The following KIDINS220 variants were observed in gnomAD, a reference collection of about 807,000 sequenced individuals.
The protein encoded by KIDINS220 is kinase D interacting substrate 220, also known as kinase D-interacting substrate of 220 kDa.
Under a neutral mutation model 157.6 loss-of-function variants are expected in KIDINS220, and 63 were observed. That is an observed-to-expected ratio of 0.40 (90% CI 0.33 to 0.49). The LOEUF is 0.49. KIDINS220 is among the 20% of genes least tolerant of loss of function. KIDINS220 has a pLI of 0.66. For missense variants in KIDINS220, 1,772 were observed against 2,171.2 expected (o/e 0.82, Z 3.65); for synonymous variants, 732 against 783.6 (o/e 0.93, Z 1.10).
In KIDINS220 at chr2:8,736,907, G is replaced by A; in HGVS notation, c.3678C>T (p.Asp1226=). ...TACAATACTGAGGCAGCATACTCTG[G>A]TCCAGCCCTTCTATTTGTTTCAGCT... is the stretch of plus-strand genomic sequence containing the variant. ...CEKLKQIEGL[D]QSMLPQYCTT... The change falls in exon 27 of 30, where the codon GAC becomes GAT. Residue 1226 remains aspartate, a synonymous_variant. Transcript: ENST00000256707. The A allele has an allele frequency of 6.2e-7, 1 of 1,614,154 alleles. No individual in the cohort carries two copies. Among genetic ancestry groups the A allele is most frequent in the African/African-American group, 1.3e-5 (1 of 75,020 alleles).
At chr2:8,769,201 C>T (rs142437108) in intron 22 of KIDINS220, among the ~76,000 whole-genome samples, 3 of 152,246 alleles carry the variant, frequency 2.0e-5, no homozygotes, top group African/African-American at 4.8e-5. Context: ...AAGTACCTGA[C>T]GTGAAGGAAG....
intron 4 of KIDINS220, among the ~76,000 whole-genome samples, chr2:8,815,278 G>A (rs1283767500): frequency 6.6e-6 from 1 of 151,724 alleles, no homozygotes; most frequent in African/African-American, 2.4e-5. Flanking sequence ...GTGTGTGTCT[G>A]TAGTCCCAGC....
chr2:8,832,632 G>A (rs903688342), intron 1 of KIDINS220, among the ~76,000 whole-genome samples: 12 of 152,034 alleles, frequency 7.9e-5, no homozygotes, highest in African/African-American at 2.4e-4. Flanking sequence ...GCCTTCACGC[G>A]TCTTTGTGCT....
At chr2:8,779,954 T>A in intron 17 of KIDINS220, 140 bp from the exon 18 acceptor site, 2 of 812,418 alleles carry the variant, frequency 2.5e-6, no homozygotes, top group Non-Finnish European at 3.8e-6. Context: ...TGCTTCCACT[T>A]AAAATAAGAG....
intron 22 of KIDINS220, chr2:8,757,211 A>G (rs1201735991): frequency 1.0e-6 from 1 of 973,470 alleles, no homozygotes; most frequent in East Asian, 1.1e-4. Context: ...TTTCCCAACA[A>G]AAGTGCATAC....
intron 3 of KIDINS220, 51 bp downstream of exon 3, chr2:8,818,644 A>T (rs764667357): frequency 5.3e-6 from 6 of 1,133,090 alleles, no homozygotes; most frequent in Admixed American, 2.2e-5. Context: ...AAACAAAAAA[A>T]TAGCTAAGAA....
downstream of KIDINS220, chr2:8,721,731 C>T (rs1356592496): frequency 6.6e-6 from 1 of 152,208 alleles, no homozygotes; most frequent in Non-Finnish European, 1.5e-5. Flanking sequence ...CACCTGGAGC[C>T]ACACTGGCTG....
intron 25 of KIDINS220, 189 bp from the exon 26 acceptor site, chr2:8,747,390 A>C: frequency 1.7e-6 from 1 of 574,216 alleles, no homozygotes; most frequent in Non-Finnish European, 3.1e-6. Flanking sequence ...TATCATCAGG[A>C]ACCTCTAATA....
intron 24 of KIDINS220, among the ~76,000 whole-genome samples, chr2:8,748,707 T>A (rs1384204491): frequency 6.6e-6 from 1 of 152,154 alleles, no homozygotes; most frequent in Non-Finnish European, 1.5e-5. Flanking sequence ...CCCACCCTTT[T>A]TACTCCTGCC....
chr2:8,815,371 A>G (rs1309222829), intron 4 of KIDINS220, among the ~76,000 whole-genome samples: 1 of 149,548 alleles, frequency 6.7e-6, no homozygotes, highest in Non-Finnish European at 1.5e-5. Context: ...ATTGCACTCC[A>G]GCCTGGGTGA....
intron 11 of KIDINS220, among the ~76,000 whole-genome samples, chr2:8,795,420 C>T (rs565178134): frequency 1.3e-5 from 2 of 152,202 alleles, no homozygotes; most frequent in Admixed American, 6.5e-5. Context: ...GCATACTTTG[C>T]TGACAGGCTG....
chr2:8,794,398 C>A, intron 11 of KIDINS220: 1 of 156,022 alleles, frequency 6.4e-6, no homozygotes, highest in Non-Finnish European at 1.4e-5. Flanking sequence ...CAGCTTTCTT[C>A]ATTTGTCTAG....
Position 8,812,496 on chromosome 2 carries a change from G to T in KIDINS220, c.406-3C>A. 6.5e-7 allele frequency: 1 copy of T among 1,534,588 alleles called. No homozygotes were observed. Among genetic ancestry groups the T allele is most frequent in the Non-Finnish European group, 8.8e-7 (1 of 1,137,658 alleles). On this transcript the variant is annotated splice_region_variant and splice_polypyrimidine_tract_variant and intron_variant, in intron 5 of 29. Transcript: ENST00000256707. ...CAAATGATTGGGTAAACACTGTACT[G>T]CTAGGATAGATTGGTTGGTAGGTAG...
chr2:8,784,635 C>T (rs1672146862), intron 17 of KIDINS220, among the ~76,000 whole-genome samples: 1 of 152,140 alleles, frequency 6.6e-6, no homozygotes, highest in Non-Finnish European at 1.5e-5. Context: ...AGAAGACATA[C>T]AGATAGCAAA....
chr2:8,803,484 T>A (rs1300586426), intron 7 of KIDINS220, among the ~76,000 whole-genome samples: 1 of 152,116 alleles, frequency 6.6e-6, no homozygotes, highest in Admixed American at 6.5e-5. Context: ...AGAATGTGTT[T>A]ATATATAAAC....
In KIDINS220 at chr2:8,730,677, G is replaced by A; in HGVS notation, c.*43C>T. 3.2e-6 allele frequency: 5 copies of A among 1,572,786 alleles called. No homozygotes were observed. The highest frequency in any genetic ancestry group is 4.3e-6 in the Non-Finnish European group (5 of 1,163,858). On this transcript the variant is annotated 3_prime_UTR_variant, in exon 30 of 30. Coordinates refer to ENST00000256707, the MANE Select transcript of KIDINS220 (RefSeq NM_020738.4). ...TGGAGTCAAAATCCAGGACAATTCT[G>A]TCATAAAGGTACAGTAACACTCTTC...
chr2:8,781,141 T>TA lies in KIDINS220; in HGVS notation c.2230-1328_2230-1327insT, dbSNP rs1553321879. Among the ~76,000 whole-genome samples the TA allele has an allele frequency of 3.3e-3, 4 of 1,214 alleles. No homozygotes were observed. The East Asian group carries it at 0.19, about 57-fold the overall frequency. 0.8% of individuals were successfully genotyped at this position (1,214 alleles called of 152,430 possible). On this transcript the variant is annotated intron_variant, in intron 17 of 29. Coordinates refer to ENST00000256707, the MANE Select transcript of KIDINS220 (RefSeq NM_020738.4). ...AGAGGGGGAGTAACTATATTAATTA[T>TA]TATATATATATAATATATATATATT... is the stretch of plus-strand genomic sequence containing the variant.
At chr2:8,804,576 T>G (rs1376302812) in intron 7 of KIDINS220, among the ~76,000 whole-genome samples, 3 of 152,176 alleles carry the variant, frequency 2.0e-5, no homozygotes, top group Non-Finnish European at 4.4e-5. Context: ...AAAAATCTGT[T>G]CATTGAAGAG....
At chr2:8,800,053 T>TA (rs930536697) in intron 9 of KIDINS220, among the ~76,000 whole-genome samples, 2 of 151,688 alleles carry the variant, frequency 1.3e-5, no homozygotes, top group African/African-American at 2.4e-5. Context: ...GAGAAAACAC[T>TA]AAAAAAAATA....
Sources: allele counts gnomAD v4.1 joint callset (sites outside exome capture counted in the v4.1 genomes callset), GRCh38; gene constraint gnomAD v4.1.1; transcripts MANE v1.5; gene names NCBI Gene and HGNC (gene_info 2026-07-23, HGNC 2026-07-21).